Variants in SLC35D1 observed in about 807,000 individuals in gnomAD.
SLC35D1 encodes the protein nucleotide sugar transporter SLC35D1.
A neutral mutation model predicts 46.7 loss-of-function variants in SLC35D1; 31 were observed. The ratio of observed to expected loss-of-function variants is 0.66; its 90% CI spans 0.50 to 0.90. The LOEUF is 0.90. SLC35D1 is among the 40% of genes least tolerant of loss of function. The pLI, the probability that SLC35D1 is intolerant of heterozygous loss-of-function variation, is 0.00. For synonymous variants in SLC35D1, 195 were observed against 164.6 expected (o/e 1.18, Z -1.41); for missense variants, 397 against 426.2 (o/e 0.93, Z 0.60).
the SLC35D1 span, chr1:66,982,036 A>G: frequency 1.0e-6 from 1 of 966,348 alleles, no homozygotes; most frequent in East Asian, 2.5e-5. Flanking sequence ...AAAAAATGAT[A>G]ACACATGAGA....
chr1:66,997,519 A>AAAAAATAT (rs1553262615), downstream of SLC35D1, among the ~76,000 whole-genome samples: 18 of 74,032 alleles, frequency 2.4e-4, no homozygotes, highest in East Asian at 1.7e-3. Context: ...AAAAAAAAAA[A>AAAAAATAT]ATATATATAT....
chr1:67,002,018 C>T lies in SLC35D1; in HGVS notation c.*2322G>A, dbSNP rs1667349965. On this transcript the variant is annotated 3_prime_UTR_variant, in exon 12 of 12. Coordinates refer to ENST00000235345, the MANE Select transcript of SLC35D1 (RefSeq NM_015139.3). ...CTGACCCCCAAGAGGCAGTTCAACT[C>T]CTGGTGGGGCTCTAGCCCAACACCT... is the stretch of plus-strand genomic sequence containing the variant. 1.3e-5 allele frequency: 2 copies of T among 152,374 alleles called. No homozygotes were observed. Among genetic ancestry groups the T allele is most frequent in the Non-Finnish European group, 2.9e-5 (2 of 68,054 alleles). 9.4% of individuals were successfully genotyped at this position (152,374 alleles called of 1,614,324 possible). A position where few individuals can be genotyped will look rare whatever the true frequency, so the allele number is the denominator to read the frequency against.
intron 6 of SLC35D1, among the ~76,000 whole-genome samples, chr1:67,049,187 G>C (rs758198374): frequency 1.3e-5 from 2 of 152,134 alleles, no homozygotes; most frequent in East Asian, 1.9e-4. Context: ...CCAGCTACTC[G>C]GGAGGCTGAG....
the SLC35D1 span, among the ~76,000 whole-genome samples, chr1:66,994,226 A>G: frequency 6.6e-6 from 1 of 152,232 alleles, no homozygotes; most frequent in Non-Finnish European, 1.5e-5. Flanking sequence ...TTTCACCGTC[A>G]GTGTCACATG....
the SLC35D1 span, chr1:66,986,092 C>T: frequency 4.7e-6 from 5 of 1,065,694 alleles, no homozygotes; most frequent in African/African-American, 3.4e-5. Context: ...TTGGCACACA[C>T]AAGGAACAAC....
the SLC35D1 span, chr1:66,976,632 A>G: frequency 1.2e-6 from 2 of 1,607,688 alleles, no homozygotes; most frequent in Non-Finnish European, 1.7e-6. Context: ...GTAGCATTCT[A>G]TTACATGTGG....
the SLC35D1 span, chr1:66,987,062 AATATGGCACATGT>A: frequency 6.6e-6 from 1 of 152,442 alleles, no homozygotes; most frequent in Non-Finnish European, 1.5e-5. Flanking sequence ...TGTTTGCAAA[AATATGGCACATGT>A]ATACATTTTA....
chr1:66,981,367 C>G, the SLC35D1 span, among the ~76,000 whole-genome samples: 4,356 of 152,256 alleles, frequency 0.029, 78 homozygotes, highest in Non-Finnish European at 0.042. Context: ...TTTTGTTAGG[C>G]TCAAATTTGT....
At chr1:66,994,600 C>T (rs1667218868), downstream of SLC35D1, among the ~76,000 whole-genome samples, 2 of 151,322 alleles carry the variant, frequency 1.3e-5, no homozygotes. Flanking sequence ...GCCGAGATCG[C>T]GCCACTGCAC....
chr1:66,991,052 G>A, the SLC35D1 span, among the ~76,000 whole-genome samples: 3 of 152,052 alleles, frequency 2.0e-5, no homozygotes, highest in African/African-American at 4.8e-5. Flanking sequence ...CTGCCTTTGG[G>A]GATACATCCT....
the SLC35D1 span, among the ~76,000 whole-genome samples, chr1:66,991,657 C>T: frequency 1.1e-4 from 16 of 152,308 alleles, no homozygotes; most frequent in East Asian, 2.9e-3. Context: ...TATTCCAGAA[C>T]GAGGAGTGAA....
rs373050297 is a variant in SLC35D1 at position 67,053,963 on chromosome 1, G to A, written c.51C>T (p.Pro17=). ...RQHARVKGEA[P]AKSSTLRDEE... ...CATCTCGGAGTGTGGAGGATTTCGC[G>A]GGGGCTTCTCCTTTAACCCGAGCAT... Residue 17 remains proline (P), a synonymous_variant, in exon 1 of 12, where the codon CCC becomes CCT. Coordinates refer to ENST00000235345, the MANE Select transcript of SLC35D1 (RefSeq NM_015139.3). 3 of 1,613,466 alleles carry A rather than the reference G, an allele frequency of 1.9e-6. No homozygotes were observed. The highest frequency in any genetic ancestry group is 2.7e-5 in the African/African-American group (2 of 74,898).
chr1:67,041,531 A>AAG (rs1313288399), intron 8 of SLC35D1, among the ~76,000 whole-genome samples: 1 of 152,228 alleles, frequency 6.6e-6, no homozygotes, highest in Non-Finnish European at 1.5e-5. Flanking sequence ...CATTAGAAGG[A>AAG]ATCTTGGTAC....
intron 11 of SLC35D1, among the ~76,000 whole-genome samples, chr1:67,005,570 T>C (rs994310922): frequency 6.6e-6 from 1 of 152,206 alleles, no homozygotes; most frequent in Admixed American, 6.5e-5. Context: ...CTCACGGCAC[T>C]TAAGAGCAAT....
At chr1:66,986,478 T>G in the SLC35D1 span, 83 of 1,593,972 alleles carry the variant, frequency 5.2e-5, no homozygotes, top group Non-Finnish European at 6.8e-5. Context: ...AAATAAAGCT[T>G]CTGTGGTCTT....
intron 8 of SLC35D1, among the ~76,000 whole-genome samples, chr1:67,022,915 C>T (rs1454196184): frequency 6.6e-6 from 1 of 152,198 alleles, no homozygotes; most frequent in Non-Finnish European, 1.5e-5. Context: ...CAATTTCCTA[C>T]AAGTGGAATT....
the SLC35D1 span, chr1:66,987,716 GATTTT>G: frequency 1.4e-5 from 2 of 143,756 alleles, no homozygotes; most frequent in Non-Finnish European, 3.0e-5. Flanking sequence ...AATTCACTAA[GATTTT>G]ATTAGAGATT....
At chr1:66,974,102 T>A in the SLC35D1 span, among the ~76,000 whole-genome samples, 19 of 152,068 alleles carry the variant, frequency 1.2e-4, no homozygotes, top group African/African-American at 3.9e-4. Flanking sequence ...TTTTATTATT[T>A]TTTTTTTAAG....
chr1:67,021,740 C>A, intron 8 of SLC35D1, 138 bp from the exon 9 acceptor site: 1 of 707,110 alleles, frequency 1.4e-6, no homozygotes, highest in South Asian at 1.6e-5. Context: ...CACACACACA[C>A]ACACACACAC....
Sources: gnomAD v4.1 joint callset for allele counts (sites outside exome capture counted in the v4.1 genomes callset) on GRCh38, gnomAD v4.1.1 for gene constraint, MANE v1.5 for transcripts, NCBI Gene and HGNC (gene_info 2026-07-23, HGNC 2026-07-21) for gene names.